The following CDH18 variants were observed in gnomAD, a reference collection of about 807,000 sequenced individuals.
The protein encoded by CDH18 is cadherin 18, also known as cadherin-18.
A neutral mutation model predicts 67.9 loss-of-function variants in CDH18; 31 were observed. The observed-to-expected ratio is 0.46, with a 90% CI of 0.34 to 0.62. The LOEUF (loss-of-function observed/expected upper bound fraction) is 0.62, where lower values mean the gene tolerates loss of function less well. Among genes scored for constraint, CDH18 ranks in the 20% least tolerant of loss-of-function variants. The probability of loss-of-function intolerance (pLI) is 0.01; values close to 1 mark genes in which losing one functional copy is unlikely to be tolerated. For missense variants in CDH18, 890 were observed against 975.5 expected (o/e 0.91, Z 1.17); for synonymous variants, 362 against 347.2 (o/e 1.04, Z -0.48).
chr5:20,062,991 C>T (rs368746904), intron 2 of CDH18, among the ~76,000 whole-genome samples: 10 of 139,116 alleles, frequency 7.2e-5, no homozygotes, highest in African/African-American at 1.0e-4. Flanking sequence ...TTTTTTCTTT[C>T]TTTTTTTTTT....
At chr5:20,132,809 T>C (rs944533876) in intron 2 of CDH18, among the ~76,000 whole-genome samples, 2 of 152,212 alleles carry the variant, frequency 1.3e-5, no homozygotes, top group African/African-American at 4.8e-5. Flanking sequence ...TATGCAAAAG[T>C]CATCAGGTTA....
At chr5:20,212,073 A>G (rs1740397933) in intron 2 of CDH18, among the ~76,000 whole-genome samples, 1 of 152,196 alleles carries the variant, frequency 6.6e-6, no homozygotes, top group Non-Finnish European at 1.5e-5. Context: ...TAAACAGCAT[A>G]GAGAAGACCT....
intron 3 of CDH18, among the ~76,000 whole-genome samples, chr5:19,805,836 C>T (rs148250602): frequency 8.5e-4 from 130 of 152,296 alleles, no homozygotes; most frequent in African/African-American, 3.1e-3. Flanking sequence ...ATTTGTGCAA[C>T]AACAAAGCAT....
chr5:19,867,597 G>T (rs1236411594), intron 2 of CDH18, among the ~76,000 whole-genome samples: 1 of 112,420 alleles, frequency 8.9e-6, no homozygotes, highest in Non-Finnish European at 2.0e-5. Flanking sequence ...CTTGATTGAT[G>T]TAATTTTATT....
At chr5:19,948,040 A>C (rs1405236841) in intron 2 of CDH18, among the ~76,000 whole-genome samples, 3 of 152,218 alleles carry the variant, frequency 2.0e-5, no homozygotes, top group Non-Finnish European at 4.4e-5. Flanking sequence ...GTTCAATATC[A>C]TTAGCTATCG....
chr5:20,220,715 A>T (rs1741157599), intron 2 of CDH18, among the ~76,000 whole-genome samples: 1 of 152,064 alleles, frequency 6.6e-6, no homozygotes, highest in Admixed American at 6.6e-5. Flanking sequence ...AAATATTTGC[A>T]AACTATCCAG....
chr5:19,753,736 A>C (rs554104298), intron 3 of CDH18, among the ~76,000 whole-genome samples: 135 of 152,340 alleles, frequency 8.9e-4, no homozygotes, highest in African/African-American at 3.2e-3. Context: ...CAAAAGCTCC[A>C]GGTATCCTAC....
chr5:19,494,904 T>A (rs545149316), intron 11 of CDH18, among the ~76,000 whole-genome samples: 19 of 152,304 alleles, frequency 1.2e-4, no homozygotes, highest in African/African-American at 4.6e-4. Flanking sequence ...GAGTTGGAAA[T>A]CGATTCTTAG....
intron 5 of CDH18, among the ~76,000 whole-genome samples, chr5:19,620,424 A>G (rs983043301): frequency 1.3e-5 from 2 of 152,184 alleles, no homozygotes; most frequent in Admixed American, 6.5e-5. Context: ...ATTTCCTGAC[A>G]CAAAAATCTT....
intron 2 of CDH18, among the ~76,000 whole-genome samples, chr5:20,229,407 A>G (rs1344727429): frequency 1.3e-5 from 2 of 152,048 alleles, no homozygotes; most frequent in African/African-American, 2.4e-5. Context: ...ACATGTACTG[A>G]TTATGATTAG....
intron 3 of CDH18, among the ~76,000 whole-genome samples, chr5:19,837,949 CT>C (rs2150021783): frequency 6.6e-6 from 1 of 152,264 alleles, no homozygotes; most frequent in East Asian, 1.9e-4. Flanking sequence ...CCAATTCCCA[CT>C]TCGTTCTCAA....
At chr5:20,566,345 AT>A (rs36010557) in intron 1 of CDH18, among the ~76,000 whole-genome samples, 21,370 of 141,098 alleles carry the variant, frequency 0.15, 1,760 homozygotes, top group Middle Eastern at 0.21. Flanking sequence ...GATTCTCTTG[AT>A]TTTTTTTCTT....
chr5:19,652,805 C>T (rs572155629), intron 5 of CDH18, among the ~76,000 whole-genome samples: 56 of 152,144 alleles, frequency 3.7e-4, no homozygotes, highest in East Asian at 1.4e-3. Flanking sequence ...GCATCAGAAA[C>T]GGCAAACAGG....
intron 1 of CDH18, among the ~76,000 whole-genome samples, chr5:20,505,384 A>G (rs1754597892): frequency 6.6e-6 from 1 of 152,332 alleles, no homozygotes; most frequent in East Asian, 1.9e-4. Context: ...TTAAGATGGC[A>G]TATATTTAAA....
chr5:19,741,211 A>G (rs377551933), intron 4 of CDH18, among the ~76,000 whole-genome samples: 1 of 142,160 alleles, frequency 7.0e-6, no homozygotes, highest in South Asian at 2.3e-4. Context: ...TATATGTCAT[A>G]TATGTATATA....
intron 2 of CDH18, among the ~76,000 whole-genome samples, chr5:20,115,206 T>C (rs1001882028): frequency 6.6e-6 from 1 of 151,498 alleles, no homozygotes; most frequent in Non-Finnish European, 1.5e-5. Flanking sequence ...GAGCAAGCTC[T>C]AGTCTCTTTC....
intron 4 of CDH18, among the ~76,000 whole-genome samples, chr5:19,736,911 T>A (rs2150674190): frequency 6.6e-6 from 1 of 152,334 alleles, no homozygotes; most frequent in East Asian, 1.9e-4. Context: ...AGAAAATTTC[T>A]CTATATACTA....
At chr5:19,766,583 T>G (rs1773121473) in intron 3 of CDH18, among the ~76,000 whole-genome samples, 2 of 152,178 alleles carry the variant, frequency 1.3e-5, no homozygotes, top group South Asian at 4.1e-4. Context: ...TTGATCCTTT[T>G]CTGCATAAAA....
At chr5:20,078,018 C>T (rs1744099575) in intron 2 of CDH18, among the ~76,000 whole-genome samples, 1 of 152,172 alleles carries the variant, frequency 6.6e-6, no homozygotes. Flanking sequence ...ATCATTCAGA[C>T]TGCCTGTGCA....
Sources: gnomAD v4.1 joint callset for allele counts (sites outside exome capture counted in the v4.1 genomes callset) on GRCh38, gnomAD v4.1.1 for gene constraint, MANE v1.5 for transcripts, NCBI Gene and HGNC (gene_info 2026-07-23, HGNC 2026-07-21) for gene names.